GBE1: variants seen among roughly 807,000 people sequenced by gnomAD.
GBE1 encodes 1,4-alpha-glucan branching enzyme 1.
Under a neutral mutation model 88.8 loss-of-function variants are expected in GBE1, and 70 were observed. The observed-to-expected ratio is 0.79, with a 90% CI of 0.65 to 0.96. GBE1 has a LOEUF of 0.96. GBE1 is among the 40% of genes least tolerant of loss of function. GBE1 has a pLI of 0.00. For synonymous variants in GBE1, 284 were observed against 300.1 expected, an observed-to-expected ratio of 0.95 and a Z score of 0.56; for missense variants, 872 against 871.0, an observed-to-expected ratio of 1.00 and a Z score of -0.01.
chr3:81,632,212 A>G (rs1187240590), intron 7 of GBE1, among the ~76,000 whole-genome samples: 2 of 152,202 alleles, frequency 1.3e-5, no homozygotes, highest in Non-Finnish European at 2.9e-5. Flanking sequence ...TCTAATATTG[A>G]TGGGCATTTG....
chr3:81,737,302 AAT>A (rs1706270761), intron 1 of GBE1, among the ~76,000 whole-genome samples: 1 of 132,280 alleles, frequency 7.6e-6, no homozygotes, highest in Non-Finnish European at 1.6e-5. Flanking sequence ...TATTTATATA[AAT>A]ATATATTTAT....
intron 3 of GBE1, among the ~76,000 whole-genome samples, chr3:81,655,710 G>A (rs1212186147): frequency 1.3e-5 from 2 of 151,846 alleles, no homozygotes; most frequent in Non-Finnish European, 2.9e-5. Flanking sequence ...AGTAGAGGCA[G>A]GGTTTCACCA....
At chr3:81,623,253 C>T (rs1162943807) in intron 7 of GBE1, among the ~76,000 whole-genome samples, 1 of 152,166 alleles carries the variant, frequency 6.6e-6, no homozygotes, top group Admixed American at 6.6e-5. Flanking sequence ...TTAAACACAC[C>T]AACCCCACTG....
At chr3:81,506,883 T>A (rs1238289597) in intron 14 of GBE1, among the ~76,000 whole-genome samples, 1 of 151,928 alleles carries the variant, frequency 6.6e-6, no homozygotes, top group Non-Finnish European at 1.5e-5. Flanking sequence ...CATGGATGCA[T>A]AAAGAGGAAC....
chr3:81,730,332 T>C (rs150688666), intron 1 of GBE1, among the ~76,000 whole-genome samples: 506 of 152,272 alleles, frequency 3.3e-3, no homozygotes, highest in Middle Eastern at 6.8e-3. Flanking sequence ...AGCAAATATA[T>C]AGTGTTATCT....
intron 2 of GBE1, among the ~76,000 whole-genome samples, chr3:81,694,584 C>A (rs992893869): frequency 1.3e-5 from 2 of 152,048 alleles, no homozygotes; most frequent in African/African-American, 2.4e-5. Flanking sequence ...CAAGGGAGCT[C>A]GGCTTGGAAA....
intron 7 of GBE1, among the ~76,000 whole-genome samples, chr3:81,616,517 T>C (rs1459619692): frequency 6.6e-6 from 1 of 152,124 alleles, no homozygotes; most frequent in African/African-American, 2.4e-5. Context: ...CATATTTGCG[T>C]AGGTCTATTT....
intron 2 of GBE1, among the ~76,000 whole-genome samples, chr3:81,689,022 C>T (rs1390929339): frequency 6.6e-6 from 1 of 152,106 alleles, no homozygotes; most frequent in Non-Finnish European, 1.5e-5. Context: ...ACACTAGTAG[C>T]ATCTAAAATA....
At position 81,523,989 on chromosome 3, in the gene GBE1, T is replaced by A. The variant is rs138532396; in HGVS notation, c.1934+11206A>T. Reference sequence around the variant, plus strand: ...CGCAAATATCTGCTCCATATACTGATTTCTTTACTTTTGGGTGTATACCTA... The same window carrying A: ...CGCAAATATCTGCTCCATATACTGAATTCTTTACTTTTGGGTGTATACCTA... On this transcript the variant is annotated intron_variant, in intron 14 of 15. Transcript: ENST00000429644. Among the ~76,000 whole-genome samples, 225 of 151,904 alleles carry A rather than the reference T, an allele frequency of 1.5e-3. 2 individuals are homozygous for A. Among genetic ancestry groups the A allele is most frequent in the African/African-American group, 5.2e-3 (217 of 41,530 alleles).
chr3:81,515,376 T>G (rs183830447), intron 14 of GBE1, among the ~76,000 whole-genome samples: 5 of 151,676 alleles, frequency 3.3e-5, no homozygotes, highest in Non-Finnish European at 5.9e-5. Flanking sequence ...CAGTGATCCT[T>G]GTTACTATTG....
intron 14 of GBE1, among the ~76,000 whole-genome samples, chr3:81,513,761 G>A (rs1054852988): frequency 6.6e-6 from 1 of 151,678 alleles, no homozygotes; most frequent in South Asian, 2.1e-4. Context: ...CGACACTGTT[G>A]TTAAGCCTTG....
chr3:81,746,598 AATG>A (rs1274079471), intron 1 of GBE1, among the ~76,000 whole-genome samples: 2 of 152,166 alleles, frequency 1.3e-5, no homozygotes, highest in African/African-American at 2.4e-5. Context: ...ATCAAATTAA[AATG>A]ATAAGTCAAA....
intron 3 of GBE1, among the ~76,000 whole-genome samples, chr3:81,667,867 T>C (rs1196564720): frequency 6.6e-6 from 1 of 152,194 alleles, no homozygotes; most frequent in Non-Finnish European, 1.5e-5. Flanking sequence ...TATTGAGGAC[T>C]TTTGCATTGA....
chr3:81,636,916 C>A (rs1424827817), intron 7 of GBE1, among the ~76,000 whole-genome samples: 1 of 152,072 alleles, frequency 6.6e-6, no homozygotes, highest in African/African-American at 2.4e-5. Context: ...AAATTCAGTG[C>A]TTTGAAATCT....
intron 1 of GBE1, among the ~76,000 whole-genome samples, chr3:81,743,165 A>T (rs1475559270): frequency 6.6e-6 from 1 of 152,164 alleles, no homozygotes; most frequent in Non-Finnish European, 1.5e-5. Context: ...AGCACGTACT[A>T]AACAGCATAG....
rs79386424 is a variant in GBE1, at chr3:81,666,795, G to A, written c.429+4043C>T. Among the ~76,000 whole-genome samples, 15 of 152,136 alleles carry A rather than the reference G, an allele frequency of 9.9e-5. No individual in the cohort carries two copies. In the East Asian group the frequency reaches 2.7e-3, roughly 27 times the overall value. On this transcript the variant is annotated intron_variant, in intron 3 of 15. Coordinates refer to ENST00000429644, the MANE Select transcript of GBE1 (RefSeq NM_000158.4). ...AACTTATCTAGAAAATAATTTTAAGGAAAAACTCTAAATTATGTGTTTATT... is the reference window on the plus strand; with the variant it reads ...AACTTATCTAGAAAATAATTTTAAGAAAAAACTCTAAATTATGTGTTTATT...
intron 14 of GBE1, among the ~76,000 whole-genome samples, chr3:81,512,110 G>T (rs1177806978): frequency 6.6e-6 from 1 of 151,826 alleles, no homozygotes; most frequent in East Asian, 1.9e-4. Context: ...ACCAAATACT[G>T]CATGTTCTCA....
intron 14 of GBE1, among the ~76,000 whole-genome samples, chr3:81,526,676 C>A (rs1029392395): frequency 4.6e-5 from 7 of 151,994 alleles, no homozygotes; most frequent in African/African-American, 1.7e-4. Flanking sequence ...ATGTTAAGGA[C>A]CTCTTTAAGG....
chr3:81,596,298 T>A (rs1703956318), intron 7 of GBE1, among the ~76,000 whole-genome samples: 1 of 151,948 alleles, frequency 6.6e-6, no homozygotes, highest in African/African-American at 2.4e-5. Flanking sequence ...TCTTTTTTTT[T>A]TATTATACTT....
Sources: allele counts gnomAD v4.1 joint callset (sites outside exome capture counted in the v4.1 genomes callset), GRCh38; gene constraint gnomAD v4.1.1; transcripts MANE v1.5; gene names NCBI Gene and HGNC (gene_info 2026-07-23, HGNC 2026-07-21).